LIN28A: variants seen among roughly 807,000 people sequenced by gnomAD.
The protein encoded by LIN28A is protein lin-28 homolog A.
LIN28A carries 11 observed loss-of-function variants against 21.1 expected under a neutral mutation model. The observed-to-expected ratio is 0.52, with a 90% confidence interval of 0.33 to 0.86. LIN28A has a LOEUF of 0.86. LIN28A is among the 40% of genes least tolerant of loss of function. The pLI is 0.03. For missense variants in LIN28A, 219 were observed against 279.8 expected (o/e 0.78, Z 1.55); for synonymous variants, 111 against 108.7 (o/e 1.02, Z -0.13).
At chr1:26,425,224 C>T in intron 2 of LIN28A, 79 bp from the exon 3 acceptor site, 4 of 1,404,178 alleles carry the variant, frequency 2.8e-6, no homozygotes, top group South Asian at 1.3e-5. Context: ...GATTCCTACC[C>T]TACAGGAATA....
chr1:26,425,404 C>T lies in LIN28A; in HGVS notation c.330C>T (p.Thr110=), dbSNP rs372279965. ...SAKGLESIRV[T]GPGGVFCIGS... ...AGGGTCTGGAATCCATCCGTGTCAC[C>T]GGACCTGGTGGAGTATTCTGTATTG... The change falls in exon 3 of 4, where the codon ACC becomes ACT. Residue 110 remains threonine (T), a synonymous_variant. Coordinates refer to ENST00000326279, the MANE Select transcript of LIN28A (RefSeq NM_024674.6). 4.5e-5 allele frequency: 72 copies of T among 1,613,980 alleles called. No homozygotes were observed. Among genetic ancestry groups the T allele is most frequent in the Non-Finnish European group, 5.7e-5 (67 of 1,180,004 alleles).
At chr1:26,420,578 TG>T (rs1188131776) in intron 2 of LIN28A, among the ~76,000 whole-genome samples, 1 of 130,102 alleles carries the variant, frequency 7.7e-6, no homozygotes, top group African/African-American at 3.0e-5. Context: ...CACTTCAGCA[TG>T]GGCGACAGAG....
At chr1:26,419,090 G>T (rs2075014169) in intron 2 of LIN28A, among the ~76,000 whole-genome samples, 1 of 152,098 alleles carries the variant, frequency 6.6e-6, no homozygotes, top group Admixed American at 6.6e-5. Flanking sequence ...GGATGGGGAA[G>T]GGGGCGGGGC....
chr1:26,413,816 TGTTTGTTGC>T (rs1184981469), intron 2 of LIN28A, among the ~76,000 whole-genome samples: 6 of 143,784 alleles, frequency 4.2e-5, no homozygotes, highest in African/African-American at 1.6e-4. Flanking sequence ...TTTGTTTGTT[TGTTTGTTGC>T]TTTTTTTTTT....
At chr1:26,424,695 T>C (rs1557427046) in intron 2 of LIN28A, among the ~76,000 whole-genome samples, 2 of 152,200 alleles carry the variant, frequency 1.3e-5, no homozygotes, top group African/African-American at 4.8e-5. Context: ...TTATATTTGT[T>C]GATTTCTTCC....
chr1:26,423,242 C>T (rs532586734), intron 2 of LIN28A, among the ~76,000 whole-genome samples: 9 of 151,974 alleles, frequency 5.9e-5, no homozygotes, highest in South Asian at 2.1e-4. Flanking sequence ...CATTTCGTCA[C>T]GTAGGCCAGG....
At chr1:26,412,842 G>A (rs1008225516) in intron 2 of LIN28A, among the ~76,000 whole-genome samples, 5 of 152,060 alleles carry the variant, frequency 3.3e-5, no homozygotes, top group South Asian at 2.1e-4. Context: ...GGAAATAGAC[G>A]CAGGGAGATG....
intron 2 of LIN28A, among the ~76,000 whole-genome samples, chr1:26,424,929 G>A (rs548167623): frequency 6.6e-6 from 1 of 152,132 alleles, no homozygotes; most frequent in South Asian, 2.1e-4. Flanking sequence ...TTTTAGTAGA[G>A]ACAGAGTTTC....
In LIN28A at chr1:26,425,394, T is replaced by C. The variant is rs369954666; in HGVS notation, c.320T>C (p.Ile107Thr). 1 of 1,614,158 alleles carries C rather than the reference T, an allele frequency of 6.2e-7. No homozygotes were observed. The highest frequency in any genetic ancestry group is 8.5e-7 in the Non-Finnish European group (1 of 1,180,024). ...AAGTCAGCCAAGGGTCTGGAATCCA[T>C]CCGTGTCACCGGACCTGGTGGAGTA... ...FKKSAKGLES[I>T]RVTGPGGVFC... The change falls in exon 3 of 4, where the codon ATC becomes ACC. Residue 107 changes from isoleucine to threonine, a missense_variant. Transcript: ENST00000326279.
rs923508756 is a variant in LIN28A, at chr1:26,415,374, C to G, written c.228+3792C>G. ...TTGCGGGGGCGGGTGGGGAAATATA[C>G]GGAATCTTTCCTCCTGGTTTGTAAC... On this transcript the variant is annotated intron_variant, in intron 2 of 3. Transcript: ENST00000326279. 2.0e-5 allele frequency among the ~76,000 whole-genome samples: 3 copies of G among 152,220 alleles called. No individual in the cohort carries two copies. In the East Asian group the frequency reaches 5.8e-4, roughly 29 times the overall value.
intron 2 of LIN28A, among the ~76,000 whole-genome samples, chr1:26,417,143 CG>C (rs1055614067): frequency 6.6e-6 from 1 of 152,182 alleles, no homozygotes; most frequent in Non-Finnish European, 1.5e-5. Flanking sequence ...GACCAGGTAG[CG>C]GGCCACTCAG....
chr1:26,412,966 A>AC (rs746228518), intron 2 of LIN28A, among the ~76,000 whole-genome samples: 14 of 150,034 alleles, frequency 9.3e-5, no homozygotes, highest in Admixed American at 3.3e-4. Flanking sequence ...TATTCCCCCA[A>AC]CCCCCCATTA....
At position 26,429,665 on chromosome 1, in the gene LIN28A, C is replaced by A. The variant is rs796460666; in HGVS notation, c.*3207C>A. The stretch of plus-strand genomic sequence containing the variant: ...TTTAACACAAGCTGACTCTTCCCTT[C>A]CCTTCTCCTTTCCCTGGGAAAATAC... On this transcript the variant is annotated 3_prime_UTR_variant, in exon 4 of 4. Coordinates refer to ENST00000326279, the MANE Select transcript of LIN28A (RefSeq NM_024674.6). 2 of 152,232 alleles carry A rather than the reference C, an allele frequency of 1.3e-5. No homozygotes were observed. The highest frequency in any genetic ancestry group is 2.9e-5 in the Non-Finnish European group (2 of 68,058). 9.4% of individuals were successfully genotyped at this position (152,232 alleles called of 1,614,324 possible).
At position 26,415,192 on chromosome 1, in the gene LIN28A, C is replaced by T. The variant is rs538988033; in HGVS notation, c.228+3610C>T. Among the ~76,000 whole-genome samples, 4 of 152,216 alleles carry T rather than the reference C, an allele frequency of 2.6e-5. No individual in the cohort carries two copies. The East Asian group carries it at 5.8e-4, about 22-fold the overall frequency. On this transcript the variant is annotated intron_variant, in intron 2 of 3. Transcript: ENST00000326279. ...AAAAGCCCAGATTTGACCAAGGGAC[C>T]AAGTTGGGTTAGGAGAAAAGGTTTT...
In LIN28A at chr1:26,427,919, G is replaced by A. The variant is rs2075069078; in HGVS notation, c.*1461G>A. On this transcript the variant is annotated 3_prime_UTR_variant, in exon 4 of 4. Transcript: ENST00000326279. Reference sequence around the variant, plus strand: ...GTCATGGTAGCTAAAGGAGAAAAAGGGGGTTTCGTTTACACGCTGTGAGAT... The same window carrying A: ...GTCATGGTAGCTAAAGGAGAAAAAGAGGGTTTCGTTTACACGCTGTGAGAT... 6.6e-6 allele frequency: 1 copy of A among 152,560 alleles called. No individual in the cohort carries two copies. Among genetic ancestry groups the A allele is most frequent in the African/African-American group, 2.4e-5 (1 of 41,422 alleles). The allele number at this position is 152,560 out of a possible 1,614,324, so 9.5% of individuals were successfully genotyped here. A position where few individuals can be genotyped will look rare whatever the true frequency, so the allele number is the denominator to read the frequency against.
intron 2 of LIN28A, among the ~76,000 whole-genome samples, chr1:26,423,330 G>A (rs2075038035): frequency 6.6e-6 from 1 of 150,976 alleles, no homozygotes; most frequent in Non-Finnish European, 1.5e-5. Flanking sequence ...ACAGGCATGA[G>A]CCACTGTGCC....
intron 2 of LIN28A, among the ~76,000 whole-genome samples, chr1:26,412,605 A>C (rs1037217591): frequency 1.3e-5 from 2 of 151,996 alleles, no homozygotes; most frequent in Non-Finnish European, 2.9e-5. Flanking sequence ...GAAATTGCTA[A>C]TCCCAGATCG....
chr1:26,423,413 CTTTTTTTT>C (rs1202952934), intron 2 of LIN28A, among the ~76,000 whole-genome samples: 14 of 78,816 alleles, frequency 1.8e-4, no homozygotes, highest in African/African-American at 2.9e-4. Context: ...TTTTCTTTTT[CTTTTTTTT>C]TTTTTTTTTT....
In LIN28A at chr1:26,427,683, G is replaced by A. The variant is rs537364680; in HGVS notation, c.*1225G>A. 1.2e-4 allele frequency: 19 copies of A among 152,288 alleles called. No individual in the cohort carries two copies. Among genetic ancestry groups the A allele is most frequent in the African/African-American group, 4.6e-4 (19 of 41,564 alleles). 9.4% of individuals were successfully genotyped at this position (152,288 alleles called of 1,614,324 possible). A position where few individuals can be genotyped will look rare whatever the true frequency, so the allele number is the denominator to read the frequency against. On this transcript the variant is annotated 3_prime_UTR_variant, in exon 4 of 4. Coordinates refer to ENST00000326279, the MANE Select transcript of LIN28A (RefSeq NM_024674.6). ...GGTTAGGCCTACCATGTGCCACAGGGTGTGTGTGTGTTTGTAAAACTAGAG... is the reference window on the plus strand; with the variant it reads ...GGTTAGGCCTACCATGTGCCACAGGATGTGTGTGTGTTTGTAAAACTAGAG...
Sources: allele counts gnomAD v4.1 joint callset (sites outside exome capture counted in the v4.1 genomes callset), GRCh38; gene constraint gnomAD v4.1.1; transcripts MANE v1.5; gene names NCBI Gene and HGNC (gene_info 2026-07-23, HGNC 2026-07-21).